Variants in MICAL3 observed in about 807,000 individuals in gnomAD.
The protein encoded by MICAL3 is microtubule associated monooxygenase, calponin and LIM domain containing 3, also known as [F-actin]-monooxygenase MICAL3.
A neutral mutation model predicts 207.4 loss-of-function variants in MICAL3; 62 were observed. The ratio of observed to expected loss-of-function variants is 0.30; its 90% CI spans 0.24 to 0.37. The LOEUF is 0.37. Among genes scored for constraint, MICAL3 ranks in the 10% least tolerant of loss-of-function variants. The pLI is 1.00. For missense variants in MICAL3, 2,368 were observed against 2,635.6 expected (o/e 0.90, Z 2.22); for synonymous variants, 1,077 against 1,069.3 (o/e 1.01, Z -0.14).
intron 22 of MICAL3, among the ~76,000 whole-genome samples, chr22:17,824,152 T>C (rs1224585195): frequency 6.6e-6 from 1 of 152,184 alleles, no homozygotes; most frequent in Non-Finnish European, 1.5e-5. Context: ...CGCTCTGCTC[T>C]GAGGACACTG....
intron 19 of MICAL3, among the ~76,000 whole-genome samples, chr22:17,857,586 A>T (rs1366481307): frequency 6.6e-6 from 1 of 152,206 alleles, no homozygotes; most frequent in Non-Finnish European, 1.5e-5. Flanking sequence ...GGGCAGTCTC[A>T]TGTGATTAAT....
chr22:17,973,381 G>GT (rs1935505124), intron 1 of MICAL3, among the ~76,000 whole-genome samples: 1 of 152,186 alleles, frequency 6.6e-6, no homozygotes, highest in African/African-American at 2.4e-5. Flanking sequence ...CTTCTGTAGG[G>GT]TATGTAACTG....
intron 7 of MICAL3, among the ~76,000 whole-genome samples, chr22:17,898,418 T>C (rs1473049999): frequency 2.0e-5 from 3 of 152,232 alleles, no homozygotes; most frequent in African/African-American, 7.2e-5. Flanking sequence ...AGGGTGGCTG[T>C]GCTGAGAAAC....
At chr22:17,917,919 G>A (rs935787043) in intron 1 of MICAL3, among the ~76,000 whole-genome samples, 8 of 152,212 alleles carry the variant, frequency 5.3e-5, no homozygotes, top group African/African-American at 1.9e-4. Flanking sequence ...GGTAAGCCCA[G>A]CTATGAGAAG....
intron 1 of MICAL3, among the ~76,000 whole-genome samples, chr22:17,942,087 G>A (rs1215134695): frequency 6.6e-6 from 1 of 152,178 alleles, no homozygotes; most frequent in East Asian, 1.9e-4. Flanking sequence ...GCCTAATCTC[G>A]GAGCGTGTCT....
chr22:17,790,735 G>C lies in MICAL3; in HGVS notation c.6006C>G (p.Ser2002=). 1 of 1,596,698 alleles carries C rather than the reference G, an allele frequency of 6.3e-7. No individual in the cohort carries two copies. The highest frequency in any genetic ancestry group is 8.5e-7 in the Non-Finnish European group (1 of 1,171,482). ...MLSKGFSLNW[S] is the part of the protein sequence containing the mutation. The stretch of plus-strand genomic sequence containing the variant: ...AAATGGAGCGTTGGGTGGGAGCTCA[G>C]GACCAGTTAAGGCTGAAGCCCTTGG... The change falls in exon 32 of 32, where the codon TCC becomes TCG. Residue 2002 remains serine (S), a synonymous_variant. Coordinates refer to ENST00000441493, the MANE Select transcript of MICAL3 (RefSeq NM_015241.3).
intron 1 of MICAL3, among the ~76,000 whole-genome samples, chr22:17,963,507 G>T (rs970896553): frequency 6.6e-6 from 1 of 152,000 alleles, no homozygotes. Flanking sequence ...ACACGTGATG[G>T]GCCTCCGTCG....
At chr22:17,856,707 C>T (rs1925942878) in intron 19 of MICAL3, among the ~76,000 whole-genome samples, 2 of 149,678 alleles carry the variant, frequency 1.3e-5, no homozygotes, top group Admixed American at 1.3e-4. Context: ...CTGCAAGCTC[C>T]GCTTCCCAGG....
intron 29 of MICAL3, 39 bp from the exon 30 acceptor site, chr22:17,791,340 G>A (rs777474801): frequency 1.4e-5 from 21 of 1,538,444 alleles, no homozygotes; most frequent in South Asian, 9.1e-5. Context: ...AGGGAGTGCC[G>A]CGCCCACCCT....
intron 1 of MICAL3, among the ~76,000 whole-genome samples, chr22:17,954,178 G>A (rs415651): frequency 0.48 from 72,782 of 151,726 alleles, 17,575 homozygotes; most frequent in Middle Eastern, 0.68. Context: ...CATCCTTAGC[G>A]CCTAGAACCT....
At chr22:17,829,995 G>A (rs1324770686) in intron 21 of MICAL3, among the ~76,000 whole-genome samples, 4 of 152,176 alleles carry the variant, frequency 2.6e-5, no homozygotes, top group Non-Finnish European at 4.4e-5. Context: ...TGTGAGACAT[G>A]CTCTTGGAGG....
At chr22:17,937,139 A>C (rs1430754385) in intron 1 of MICAL3, among the ~76,000 whole-genome samples, 1 of 152,248 alleles carries the variant, frequency 6.6e-6, no homozygotes, top group Non-Finnish European at 1.5e-5. Context: ...TAACATCCTG[A>C]GTCGCACAGC....
At chr22:18,015,223 G>C (rs1024327963) in intron 1 of MICAL3, among the ~76,000 whole-genome samples, 20 of 152,072 alleles carry the variant, frequency 1.3e-4, no homozygotes, top group African/African-American at 4.8e-4. Context: ...CAACATAATT[G>C]TGACTCTTGG....
intron 1 of MICAL3, among the ~76,000 whole-genome samples, chr22:17,930,377 T>C (rs1031310348): frequency 8.5e-5 from 13 of 152,218 alleles, no homozygotes; most frequent in African/African-American, 3.1e-4. Flanking sequence ...GCAGCTTTAT[T>C]CATAATACTC....
At chr22:17,983,059 G>C (rs1040968793) in intron 1 of MICAL3, 2 of 152,248 alleles carry the variant, frequency 1.3e-5, no homozygotes, top group Non-Finnish European at 2.9e-5. Flanking sequence ...TTCTAGCTCA[G>C]CAGGTCTCTC....
intron 1 of MICAL3, among the ~76,000 whole-genome samples, chr22:18,012,093 G>C (rs1923778284): frequency 6.6e-6 from 1 of 152,028 alleles, no homozygotes; most frequent in Non-Finnish European, 1.5e-5. Flanking sequence ...AAATTAGCCA[G>C]GTATGGTGGC....
chr22:17,990,082 T>C (rs1921489822), intron 1 of MICAL3, among the ~76,000 whole-genome samples: 1 of 151,082 alleles, frequency 6.6e-6, no homozygotes, highest in African/African-American at 2.4e-5. Flanking sequence ...AATAAATAAG[T>C]TATTTCAGGA....
chr22:17,945,250 A>G (rs1354928866), intron 1 of MICAL3, among the ~76,000 whole-genome samples: 1 of 152,110 alleles, frequency 6.6e-6, no homozygotes, highest in Admixed American at 6.5e-5. Context: ...ATTTCAGCCT[A>G]GCCGGTGGTG....
At chr22:17,804,480 TAAC>T (rs2061970191) in intron 29 of MICAL3, among the ~76,000 whole-genome samples, 2 of 152,330 alleles carry the variant, frequency 1.3e-5, no homozygotes, top group Admixed American at 6.5e-5. Context: ...TCGGCCTTCT[TAAC>T]AACAGGAAAC....
Sources: gnomAD v4.1 joint callset for allele counts (sites outside exome capture counted in the v4.1 genomes callset) on GRCh38, gnomAD v4.1.1 for gene constraint, MANE v1.5 for transcripts, NCBI Gene and HGNC (gene_info 2026-07-23, HGNC 2026-07-21) for gene names.